CADPS: variants seen among roughly 807,000 people sequenced by gnomAD.
The protein encoded by CADPS is calcium dependent secretion activator.
Under a neutral mutation model 167.3 loss-of-function variants are expected in CADPS, and 57 were observed. The ratio of observed to expected loss-of-function variants is 0.34; its 90% CI spans 0.28 to 0.42. The LOEUF (loss-of-function observed/expected upper bound fraction) is 0.42. Among genes scored for constraint, CADPS ranks in the 20% least tolerant of loss-of-function variants. The pLI, the probability that CADPS is intolerant of heterozygous loss-of-function variation, is 1.00. For synonymous variants in CADPS, 676 were observed against 635.3 expected (o/e 1.06, Z -0.96); for missense variants, 1,414 against 1,738.1 (o/e 0.81, Z 3.32).
rs1430708896 is a variant in CADPS at position 62,429,075 on chromosome 3, T to A, written c.3777+9029A>T. Among the ~76,000 whole-genome samples, 712 of 152,350 alleles carry A rather than the reference T, an allele frequency of 4.7e-3. 6 individuals carry two copies. Among genetic ancestry groups the A allele is most frequent in the African/African-American group, 0.016 (645 of 41,582 alleles). The stretch of plus-strand genomic sequence containing the variant: ...CACTGAAATTTTTGAAATTCAGTGG[T>A]AATATCAGGAACTATCAGACTGCAT... On this transcript the variant is annotated intron_variant, in intron 28 of 29. Transcript: ENST00000383710.
intron 3 of CADPS, among the ~76,000 whole-genome samples, chr3:62,667,567 G>A (rs187293444): frequency 8.5e-4 from 130 of 152,148 alleles, no homozygotes; most frequent in African/African-American, 3.0e-3. Flanking sequence ...CTAGATCCTC[G>A]ATGGGAAAGG....
At chr3:62,791,884 TG>T (rs760348047) in intron 1 of CADPS, among the ~76,000 whole-genome samples, 4 of 152,238 alleles carry the variant, frequency 2.6e-5, no homozygotes, top group Admixed American at 6.5e-5. Context: ...GTACTTTAAG[TG>T]CTTAGCACAT....
intron 9 of CADPS, among the ~76,000 whole-genome samples, chr3:62,561,080 A>AC (rs1189435190): frequency 6.7e-6 from 1 of 148,964 alleles, no homozygotes; most frequent in Non-Finnish European, 1.5e-5. Flanking sequence ...CTCCATCTCA[A>AC]AAAAAAAAAA....
chr3:62,572,007 G>C (rs184610328), intron 8 of CADPS, among the ~76,000 whole-genome samples: 6 of 152,230 alleles, frequency 3.9e-5, no homozygotes, highest in Non-Finnish European at 8.8e-5. Context: ...TGGTCATACC[G>C]AAATACATTC....
Position 62,560,127 on chromosome 3 carries a change from T to A in CADPS, c.1645-2614A>T, listed in dbSNP as rs566182298. Among the ~76,000 whole-genome samples the A allele has an allele frequency of 8.5e-5, 13 of 152,222 alleles. No homozygotes were observed. In the South Asian group the frequency reaches 2.7e-3, roughly 32 times the overall value. The stretch of plus-strand genomic sequence containing the variant: ...AAATTGAGTTGGTTTATTGGGAGCA[T>A]CTTGATTTAGGATTTTGCAATGTAC... On this transcript the variant is annotated intron_variant, in intron 9 of 29. Transcript: ENST00000383710.
At chr3:62,628,405 T>C (rs897693058) in intron 6 of CADPS, among the ~76,000 whole-genome samples, 21 of 152,200 alleles carry the variant, frequency 1.4e-4, no homozygotes, top group African/African-American at 4.6e-4. Context: ...ATTTTCTATA[T>C]TTAATGAATT....
intron 1 of CADPS, among the ~76,000 whole-genome samples, chr3:62,806,862 C>A (rs2094128098): frequency 6.6e-6 from 1 of 152,140 alleles, no homozygotes; most frequent in African/African-American, 2.4e-5. Flanking sequence ...TAGAAATTGT[C>A]CTTGCTCAGG....
intron 1 of CADPS, among the ~76,000 whole-genome samples, chr3:62,790,454 C>G (rs9835727): frequency 0.065 from 9,933 of 152,100 alleles, 1,082 homozygotes; most frequent in African/African-American, 0.23. Context: ...AATCTAATGT[C>G]TCCATATATA....
At chr3:62,657,872 G>C (rs1317953102) in intron 4 of CADPS, among the ~76,000 whole-genome samples, 1 of 152,046 alleles carries the variant, frequency 6.6e-6, no homozygotes, top group Non-Finnish European at 1.5e-5. Context: ...AATGCTGCTG[G>C]CAAAATAACC....
At chr3:62,507,816 G>A (rs1160224304) in intron 17 of CADPS, among the ~76,000 whole-genome samples, 1 of 152,160 alleles carries the variant, frequency 6.6e-6, no homozygotes, top group Non-Finnish European at 1.5e-5. Flanking sequence ...CAACTTGGAA[G>A]AACATCCTTT....
At chr3:62,700,030 A>C (rs746745047) in intron 3 of CADPS, among the ~76,000 whole-genome samples, 2 of 152,126 alleles carry the variant, frequency 1.3e-5, no homozygotes, top group African/African-American at 2.4e-5. Flanking sequence ...GCCAACCCCT[A>C]TTCTACAAGT....
intron 26 of CADPS, among the ~76,000 whole-genome samples, chr3:62,461,553 C>T (rs1393053626): frequency 6.6e-6 from 1 of 152,178 alleles, no homozygotes; most frequent in Non-Finnish European, 1.5e-5. Context: ...AATCCCTAAA[C>T]CGTGTTTATG....
intron 3 of CADPS, among the ~76,000 whole-genome samples, chr3:62,716,170 G>C (rs928387784): frequency 3.3e-5 from 5 of 151,924 alleles, no homozygotes; most frequent in Non-Finnish European, 5.9e-5. Context: ...AGTGATTCTC[G>C]TGCATCAGCC....
At chr3:62,734,485 C>A (rs2078586215) in intron 3 of CADPS, among the ~76,000 whole-genome samples, 1 of 152,104 alleles carries the variant, frequency 6.6e-6, no homozygotes. Flanking sequence ...TCTGAAGTAG[C>A]CACTATTCTG....
chr3:62,738,250 T>G (rs752418009), intron 3 of CADPS, among the ~76,000 whole-genome samples: 2 of 152,194 alleles, frequency 1.3e-5, no homozygotes, highest in Non-Finnish European at 2.9e-5. Flanking sequence ...CAGAGTGACA[T>G]AATGAAGTAG....
At chr3:62,426,396 G>T (rs1281117671) in intron 28 of CADPS, among the ~76,000 whole-genome samples, 3 of 152,072 alleles carry the variant, frequency 2.0e-5, no homozygotes, top group Non-Finnish European at 1.5e-5. Flanking sequence ...TGATCCACCC[G>T]CCTTGGCCTC....
chr3:62,659,037 A>G (rs946891600), intron 4 of CADPS, among the ~76,000 whole-genome samples: 2 of 152,134 alleles, frequency 1.3e-5, no homozygotes, highest in African/African-American at 4.8e-5. Context: ...CCTCTTTTAC[A>G]TAAGCTTGCT....
intron 6 of CADPS, among the ~76,000 whole-genome samples, chr3:62,636,442 A>T (rs1292322233): frequency 2.0e-5 from 3 of 152,208 alleles, no homozygotes; most frequent in Non-Finnish European, 2.9e-5. Context: ...GGCTGGCATG[A>T]AAGCTTCTGA....
intron 1 of CADPS, among the ~76,000 whole-genome samples, chr3:62,834,094 G>C (rs552351389): frequency 6.6e-6 from 1 of 152,100 alleles, no homozygotes; most frequent in South Asian, 2.1e-4. Context: ...AAAATCATGC[G>C]TATCAGTAAA....
Sources: gnomAD v4.1 joint callset for allele counts (sites outside exome capture counted in the v4.1 genomes callset) on GRCh38, gnomAD v4.1.1 for gene constraint, MANE v1.5 for transcripts, NCBI Gene and HGNC (gene_info 2026-07-23, HGNC 2026-07-21) for gene names.